The following GRIN3A variants were observed in gnomAD, a reference collection of about 807,000 sequenced individuals.
GRIN3A encodes the protein glutamate ionotropic receptor NMDA type subunit 3A, also known as glutamate receptor ionotropic, NMDA 3A.
A neutral mutation model predicts 92.4 loss-of-function variants in GRIN3A; 47 were observed. The ratio of observed to expected loss-of-function variants is 0.51; its 90% CI spans 0.40 to 0.65. The LOEUF is 0.65. Ranked by LOEUF, GRIN3A falls within the 30% of genes least tolerant of loss-of-function variation. The pLI is 0.00. For synonymous variants in GRIN3A, 527 were observed against 540.6 expected, an observed-to-expected ratio of 0.97 and a Z score of 0.35; for missense variants, 1,324 against 1,393.1, an observed-to-expected ratio of 0.95 and a Z score of 0.79.
At chr9:101,688,213 C>T (rs761142322) in intron 1 of GRIN3A, among the ~76,000 whole-genome samples, 8 of 152,078 alleles carry the variant, frequency 5.3e-5, no homozygotes, top group African/African-American at 1.9e-4. Flanking sequence ...TTGTATGAAA[C>T]GAAGAAGTGT....
Position 101,737,792 on chromosome 9 carries a change from C to CG in GRIN3A, c.187dup (p.Arg63ProfsTer18), listed in dbSNP as rs1254442201. The CG allele has an allele frequency of 1.3e-6, 2 of 1,528,042 alleles. No homozygotes were observed. Among genetic ancestry groups the CG allele is most frequent in the Non-Finnish European group, 1.7e-6 (2 of 1,143,790 alleles). The allele number at this position is 1,528,042 out of a possible 1,614,324, so 94.7% of individuals were successfully genotyped here. A position where few individuals can be genotyped will look rare whatever the true frequency, so the allele number is the denominator to read the frequency against. On this transcript the variant is annotated frameshift_variant, in exon 1 of 9. Coordinates refer to ENST00000361820, the MANE Select transcript of GRIN3A (RefSeq NM_133445.3). LOFTEE classifies it high-confidence loss of function. ...GTCGTCCGGAGCGCGGCTGGCCGCG[C>CG]GGGGGGCGGTGGTCCAGGGCTGCAA...
At chr9:101,730,942 T>G (rs1356931981) in intron 1 of GRIN3A, among the ~76,000 whole-genome samples, 8 of 152,098 alleles carry the variant, frequency 5.3e-5, no homozygotes. Context: ...TAATCCCTGT[T>G]AAGATTTTTA....
chr9:101,590,346 CTATTTATTTATT>C (rs35611429), intron 6 of GRIN3A, among the ~76,000 whole-genome samples: 3,824 of 143,380 alleles, frequency 0.027, 148 homozygotes, highest in African/African-American at 0.084. Flanking sequence ...TAATGACACT[CTATTTATTTATT>C]TATTTATTTA....
chr9:101,583,059 A>C (rs1318802001), intron 6 of GRIN3A, among the ~76,000 whole-genome samples: 2 of 152,170 alleles, frequency 1.3e-5, no homozygotes, highest in African/African-American at 4.8e-5. Context: ...TTATGATCTT[A>C]TAATTACCCT....
intron 3 of GRIN3A, among the ~76,000 whole-genome samples, chr9:101,644,173 T>C (rs996471278): frequency 2.6e-5 from 4 of 151,954 alleles, no homozygotes; most frequent in African/African-American, 4.8e-5. Flanking sequence ...AAAAATTGAT[T>C]TTTAAATTTG....
In GRIN3A at chr9:101,573,100, C is replaced by A. The variant is rs765088422; in HGVS notation, c.*74G>T. ...TTCCCCACACCTTTGTCGATAGTTACAAAAGAGCATTACAAAGTGTCTCAA... is the reference window on the plus strand; with the variant it reads ...TTCCCCACACCTTTGTCGATAGTTAAAAAAGAGCATTACAAAGTGTCTCAA... On this transcript the variant is annotated 3_prime_UTR_variant, in exon 9 of 9. Transcript: ENST00000361820. The A allele has an allele frequency of 1.0e-5, 13 of 1,293,486 alleles. No homozygotes were observed. The highest frequency in any genetic ancestry group is 1.3e-5 in the Non-Finnish European group (12 of 889,034). 80.1% of individuals were successfully genotyped at this position (1,293,486 alleles called of 1,614,324 possible).
Position 101,738,056 on chromosome 9 carries a change from C to A in GRIN3A, c.-77G>T. Reference sequence around the variant, plus strand: ...CTCTGCAGCCGCTGCCTGAGGTCTCCGCCTCCAGGTCCCGCGCGCAGCTTC... The same window carrying A: ...CTCTGCAGCCGCTGCCTGAGGTCTCAGCCTCCAGGTCCCGCGCGCAGCTTC... On this transcript the variant is annotated 5_prime_UTR_variant, in exon 1 of 9. Transcript: ENST00000361820. 4 of 1,246,290 alleles carry A rather than the reference C, an allele frequency of 3.2e-6. No homozygotes were observed. Among genetic ancestry groups the A allele is most frequent in the Non-Finnish European group, 4.5e-6 (4 of 884,674 alleles). 77.2% of individuals were successfully genotyped at this position (1,246,290 alleles called of 1,614,324 possible). A position where few individuals can be genotyped will look rare whatever the true frequency, so the allele number is the denominator to read the frequency against.
At chr9:101,611,952 C>A (rs1379027892) in intron 6 of GRIN3A, among the ~76,000 whole-genome samples, 2 of 152,148 alleles carry the variant, frequency 1.3e-5, no homozygotes, top group East Asian at 3.9e-4. Flanking sequence ...GAGGCAACAG[C>A]CTGTGCAGGG....
chr9:101,577,689 T>A, intron 8 of GRIN3A, 79 bp downstream of exon 8: 2 of 1,066,104 alleles, frequency 1.9e-6, no homozygotes, highest in Non-Finnish European at 1.5e-6. Flanking sequence ...TGCCCTGATT[T>A]GATCTGAATA....
chr9:101,610,785 AG>A (rs530904192), intron 6 of GRIN3A, among the ~76,000 whole-genome samples: 7 of 152,232 alleles, frequency 4.6e-5, no homozygotes, highest in African/African-American at 1.7e-4. Context: ...GGAGTATTTG[AG>A]GAAGAGGCTG....
At chr9:101,662,482 C>T (rs1009645955) in intron 3 of GRIN3A, among the ~76,000 whole-genome samples, 4 of 151,538 alleles carry the variant, frequency 2.6e-5, no homozygotes, top group South Asian at 2.1e-4. Flanking sequence ...AAATAGTGCT[C>T]GGCATGTGGG....
chr9:101,580,094 G>T (rs899546847), intron 6 of GRIN3A, among the ~76,000 whole-genome samples: 2 of 152,158 alleles, frequency 1.3e-5, no homozygotes, highest in African/African-American at 4.8e-5. Context: ...ACATGTGCAT[G>T]TATCTCTTTT....
intron 1 of GRIN3A, among the ~76,000 whole-genome samples, chr9:101,695,199 T>A (rs886980440): frequency 6.6e-6 from 1 of 152,172 alleles, no homozygotes; most frequent in Non-Finnish European, 1.5e-5. Context: ...CTAAGAGACC[T>A]GATGTGCAAG....
At position 101,583,243 on chromosome 9, in the gene GRIN3A, G is replaced by A. The variant is rs142330986; in HGVS notation, c.2767-3883C>T. On this transcript the variant is annotated intron_variant, in intron 6 of 8. Transcript: ENST00000361820. ...CTTCTCAAACAATCGCCATTTATAGGTATCCTTTTCTAGTTGAATCTTCAC... is the reference window on the plus strand; with the variant it reads ...CTTCTCAAACAATCGCCATTTATAGATATCCTTTTCTAGTTGAATCTTCAC... 2.6e-4 allele frequency among the ~76,000 whole-genome samples: 40 copies of A among 152,282 alleles called. No homozygotes were observed. The East Asian group carries it at 6.6e-3, about 25-fold the overall frequency.
chr9:101,645,397 G>T (rs1828924088), intron 3 of GRIN3A, among the ~76,000 whole-genome samples: 1 of 151,952 alleles, frequency 6.6e-6, no homozygotes, highest in African/African-American at 2.4e-5. Context: ...TTTGTTGATA[G>T]ACACTTAGGT....
At chr9:101,621,552 G>A (rs776408369) in intron 5 of GRIN3A, among the ~76,000 whole-genome samples, 2 of 152,150 alleles carry the variant, frequency 1.3e-5, no homozygotes, top group Non-Finnish European at 2.9e-5. Flanking sequence ...CTCTTGCAGG[G>A]AGGGCTTTTC....
At chr9:101,709,454 G>A (rs534375447) in intron 1 of GRIN3A, among the ~76,000 whole-genome samples, 8 of 152,318 alleles carry the variant, frequency 5.3e-5, no homozygotes, top group African/African-American at 1.7e-4. Context: ...TTATTAATGT[G>A]TCAGGAGGGA....
At chr9:101,655,848 T>C (rs1588269382) in intron 3 of GRIN3A, among the ~76,000 whole-genome samples, 2 of 152,070 alleles carry the variant, frequency 1.3e-5, no homozygotes, top group South Asian at 4.1e-4. Context: ...GTTGTAAAAA[T>C]GAAAAGAAAA....
chr9:101,657,770 C>G (rs575676092), intron 3 of GRIN3A, among the ~76,000 whole-genome samples: 3 of 131,338 alleles, frequency 2.3e-5, no homozygotes, highest in South Asian at 4.7e-4. Context: ...GCAACTTCTT[C>G]TTTTTAGTTT....
Sources: allele counts gnomAD v4.1 joint callset (sites outside exome capture counted in the v4.1 genomes callset), GRCh38; gene constraint gnomAD v4.1.1; transcripts MANE v1.5; gene names NCBI Gene and HGNC (gene_info 2026-07-23, HGNC 2026-07-21).